Variants in GORASP2 observed in about 807,000 individuals in gnomAD.
GORASP2 encodes the protein Golgi reassembly-stacking protein 2.
GORASP2 carries 22 observed loss-of-function variants against 45.7 expected under a neutral mutation model. That is an observed-to-expected ratio of 0.48 (90% confidence interval 0.34 to 0.69). The LOEUF is 0.69. Among genes scored for constraint, GORASP2 ranks in the 30% least tolerant of loss-of-function variants. The pLI is 0.01. For synonymous variants in GORASP2, 221 were observed against 215.6 expected (o/e 1.02, Z -0.22); for missense variants, 491 against 562.7 (o/e 0.87, Z 1.29).
chr2:170,962,973 G>A (rs766087625), intron 9 of GORASP2, 27 bp downstream of exon 9: 2 of 1,439,694 alleles, frequency 1.4e-6, no homozygotes, highest in Non-Finnish European at 9.8e-7. Context: ...ACCCTCCTAG[G>A]ACTCTCTCTA....
At chr2:170,949,870 A>G in intron 3 of GORASP2, 128 bp downstream of exon 3, 1 of 777,896 alleles carries the variant, frequency 1.3e-6, no homozygotes, top group South Asian at 1.7e-5. Flanking sequence ...GCCAAAAATC[A>G]GCGTTCATTG....
At chr2:170,965,311 C>T (rs944603842) in intron 9 of GORASP2, among the ~76,000 whole-genome samples, 1 of 152,198 alleles carries the variant, frequency 6.6e-6, no homozygotes, top group South Asian at 2.1e-4. Context: ...CTGGTGAGGA[C>T]AGTGGAAAGG....
chr2:170,949,259 T>A (rs567932675), intron 2 of GORASP2, among the ~76,000 whole-genome samples: 15 of 152,242 alleles, frequency 9.9e-5, no homozygotes, highest in Non-Finnish European at 1.9e-4. Flanking sequence ...ATTTTGTTTT[T>A]ACACATTGAA....
chr2:170,940,492 T>G (rs542601474), intron 1 of GORASP2, among the ~76,000 whole-genome samples: 13 of 152,342 alleles, frequency 8.5e-5, no homozygotes, highest in African/African-American at 2.6e-4. Context: ...TAGTTGAACA[T>G]TCTTAATCCT....
At chr2:170,960,059 G>A (rs1227224119) in intron 7 of GORASP2, among the ~76,000 whole-genome samples, 1 of 152,042 alleles carries the variant, frequency 6.6e-6, no homozygotes, top group Non-Finnish European at 1.5e-5. Flanking sequence ...GACCTCAGGT[G>A]ATCCACCTAC....
In GORASP2 at chr2:170,949,979, T is replaced by TTAGAGTA. The variant is rs1704264685; in HGVS notation, c.349-224_349-218dup. On this transcript the variant is annotated intron_variant, in intron 3 of 9. Transcript: ENST00000234160. ...AATGATTTATTCATTATAAGATGTG[T>TTAGAGTA]TAGAGTAGATAGCTACAAAAATATT... 30 of 540,626 alleles carry TTAGAGTA rather than the reference T, an allele frequency of 5.5e-5. 3 individuals carry two copies. The South Asian group carries it at 7.8e-4, about 14-fold the overall frequency. 33.5% of individuals were successfully genotyped at this position (540,626 alleles called of 1,614,324 possible). A position where few individuals can be genotyped will look rare whatever the true frequency, so the allele number is the denominator to read the frequency against.
chr2:170,930,164 C>T (rs1227016015), intron 1 of GORASP2, among the ~76,000 whole-genome samples: 1 of 152,172 alleles, frequency 6.6e-6, no homozygotes, highest in Non-Finnish European at 1.5e-5. Context: ...AGGAAAACAA[C>T]CCTAGCTTAA....
At chr2:170,962,169 G>A (rs1704579117) in intron 8 of GORASP2, among the ~76,000 whole-genome samples, 1 of 152,220 alleles carries the variant, frequency 6.6e-6, no homozygotes, top group Non-Finnish European at 1.5e-5. Flanking sequence ...TTAAATTTTT[G>A]TGTTTTTCTC....
intron 1 of GORASP2, among the ~76,000 whole-genome samples, chr2:170,946,674 G>A (rs992837060): frequency 4.0e-5 from 6 of 149,938 alleles, no homozygotes; most frequent in Non-Finnish European, 7.4e-5. Context: ...GCTCACACCT[G>A]TAATCCCAAC....
In GORASP2 at chr2:170,950,235, C is replaced by T; in HGVS notation, c.380C>T (p.Ala127Val). The T allele has an allele frequency of 1.9e-6, 3 of 1,580,794 alleles. No individual in the cohort carries two copies. The highest frequency in any genetic ancestry group is 2.6e-6 in the Non-Finnish European group (3 of 1,157,306). The change falls in exon 4 of 10, where the codon GCA becomes GTA. Residue 127 changes from alanine to valine, a missense_variant. Around this residue, in one of 2 missense-constraint regions of GORASP2, gnomAD observed 194 missense variants for 270.4 expected, o/e 0.72. Transcript: ENST00000234160. ...GAATCAAATTCTCCTGCAGCACTGG[C>T]AGGTCTTAGACCACACAGTGATTAT... ...EVESNSPAAL[A>V]GLRPHSDYII...
rs2105315950 is a variant in GORASP2 at position 170,941,901 on chromosome 2, G to GTT, written c.64-6448_64-6447insTT. ...CAAGGTTGGAATATACGGTCAAAAGGTGTGCATATTTTCAATATTAATAGA... is the reference window on the plus strand; with the variant it reads ...CAAGGTTGGAATATACGGTCAAAAGGTTTGTGCATATTTTCAATATTAATAGA... On this transcript the variant is annotated intron_variant, in intron 1 of 9. Transcript: ENST00000234160. Among the ~76,000 whole-genome samples, 3 of 152,194 alleles carry GTT rather than the reference G, an allele frequency of 2.0e-5. No homozygotes were observed. In the South Asian group the frequency reaches 6.2e-4, roughly 32 times the overall value.
At chr2:170,962,426 T>G (rs557436727) in intron 8 of GORASP2, among the ~76,000 whole-genome samples, 1 of 152,320 alleles carries the variant, frequency 6.6e-6, no homozygotes, top group South Asian at 2.1e-4. Flanking sequence ...CAACTGTAAG[T>G]CTGCAGTTAT....
chr2:170,937,938 C>G (rs914481490), intron 1 of GORASP2, among the ~76,000 whole-genome samples: 1 of 152,220 alleles, frequency 6.6e-6, no homozygotes, highest in Non-Finnish European at 1.5e-5. Flanking sequence ...AGCTCTATCA[C>G]TTCATTCTGT....
At chr2:170,948,997 C>T (rs771994879) in intron 2 of GORASP2, among the ~76,000 whole-genome samples, 26 of 152,084 alleles carry the variant, frequency 1.7e-4, no homozygotes, top group Admixed American at 1.3e-3. Flanking sequence ...TTTAATTTTT[C>T]GTAACAGTCT....
chr2:170,965,988 C>T lies in GORASP2; in HGVS notation c.1217C>T (p.Ala406Val), dbSNP rs145916473. 60 of 1,613,836 alleles carry T rather than the reference C, an allele frequency of 3.7e-5. 1 individual carries two copies. Among genetic ancestry groups the T allele is most frequent in the Non-Finnish European group, 5.0e-5 (59 of 1,179,906 alleles). The change falls in exon 10 of 10, where the codon GCT becomes GTT. Residue 406 changes from alanine to valine, a missense_variant. Ala to Val is a moderately conservative substitution (Grantham distance 64). This residue lies in a region of GORASP2 where 297 missense variants were observed against 292.3 expected (regional missense o/e 1.02). Coordinates refer to ENST00000234160, the MANE Select transcript of GORASP2 (RefSeq NM_015530.5). ...GCCACAACTACTGCAAAGGCAGACGCTGCCTCCTCACTCACTGTGGATGTG... is the reference window on the plus strand; with the variant it reads ...GCCACAACTACTGCAAAGGCAGACGTTGCCTCCTCACTCACTGTGGATGTG... ...DPATTTAKADAASSLTVDVTP... is the reference protein window; with the variant it reads ...DPATTTAKADVASSLTVDVTP...
chr2:170,947,388 C>T (rs1575473630), intron 1 of GORASP2, among the ~76,000 whole-genome samples: 2 of 152,306 alleles, frequency 1.3e-5, no homozygotes, highest in Middle Eastern at 6.8e-3. Context: ...TTTCAGATGT[C>T]CTTCCTACCC....
intron 1 of GORASP2, among the ~76,000 whole-genome samples, chr2:170,945,501 C>CA (rs11396289): frequency 0.57 from 69,728 of 123,126 alleles, 20,311 homozygotes; most frequent in East Asian, 0.92. Flanking sequence ...GACCTTGTCT[C>CA]AAAAAAAAAA....
At chr2:170,942,093 A>C (rs1704089412) in intron 1 of GORASP2, among the ~76,000 whole-genome samples, 1 of 152,114 alleles carries the variant, frequency 6.6e-6, no homozygotes, top group African/African-American at 2.4e-5. Flanking sequence ...TTCCTTGATG[A>C]CCATTGAAGT....
At position 170,961,686 on chromosome 2, in the gene GORASP2, C is replaced by A; in HGVS notation, c.847C>A (p.Pro283Thr). 1.3e-6 allele frequency: 2 copies of A among 1,589,406 alleles called. No individual in the cohort carries two copies. The highest frequency in any genetic ancestry group is 1.7e-6 in the Non-Finnish European group (2 of 1,157,386). ...STGVPTVPLL[P>T]PQVNQSLTSV... ...AGGTGTACCAACAGTACCGTTATTG[C>A]CACCACAAGTAAACCAGTCCCTCAC... The change falls in exon 8 of 10, where the codon CCA (proline) becomes ACA (threonine). Residue 283 changes from proline to threonine, a missense_variant. Pro to Thr is a conservative substitution (Grantham distance 38). This residue lies in a region of GORASP2 where 297 missense variants were observed against 292.3 expected (regional missense o/e 1.02). Transcript: ENST00000234160.
Sources: allele counts gnomAD v4.1 joint callset (sites outside exome capture counted in the v4.1 genomes callset), GRCh38; gene constraint gnomAD v4.1.1; regional missense constraint gnomAD v4.1.1; transcripts MANE v1.5; gene names NCBI Gene and HGNC (gene_info 2026-07-23, HGNC 2026-07-21).